Variants in MEI4 observed in about 807,000 individuals in gnomAD.
The protein encoded by MEI4 is meiotic double-stranded break formation protein 4, also known as meiosis-specific protein MEI4.
In MEI4, 27 loss-of-function variants were observed where a neutral mutation model predicts 31.4. The ratio of observed to expected loss-of-function variants is 0.86; its 90% CI spans 0.63 to 1.19. MEI4 has a LOEUF of 1.19. Ranked by LOEUF, MEI4 falls within the 50% of genes most tolerant of loss-of-function variation. MEI4 has a pLI of 0.00. For synonymous variants in MEI4, 122 were observed against 145.4 expected (o/e 0.84, Z 1.16); for missense variants, 329 against 398.9 (o/e 0.82, Z 1.49).
intron 4 of MEI4, among the ~76,000 whole-genome samples, chr6:77,909,838 T>C (rs1160098769): frequency 1.3e-5 from 2 of 152,044 alleles, no homozygotes; most frequent in African/African-American, 2.4e-5. Flanking sequence ...AATCCAGTAG[T>C]ACATCAAAAA....
intron 2 of MEI4, among the ~76,000 whole-genome samples, chr6:77,696,204 C>T (rs1353212032): frequency 1.3e-5 from 2 of 152,152 alleles, no homozygotes; most frequent in Non-Finnish European, 2.9e-5. Context: ...ATCATGTCAT[C>T]TGCAAACAGG....
chr6:77,659,096 C>T (rs1042130111), intron 1 of MEI4, among the ~76,000 whole-genome samples: 7 of 152,150 alleles, frequency 4.6e-5, no homozygotes, highest in African/African-American at 1.7e-4. Context: ...GCAGAGAAGT[C>T]ATTAGACAGG....
intron 4 of MEI4, among the ~76,000 whole-genome samples, chr6:77,920,295 T>C (rs1476587231): frequency 1.3e-5 from 2 of 152,046 alleles, no homozygotes; most frequent in African/African-American, 4.8e-5. Flanking sequence ...AAAAAGCTTA[T>C]CCACCATGAT....
At chr6:77,839,769 C>T (rs1469362943) in intron 4 of MEI4, among the ~76,000 whole-genome samples, 1 of 152,108 alleles carries the variant, frequency 6.6e-6, no homozygotes, top group East Asian at 1.9e-4. Flanking sequence ...TCTGTAGCTG[C>T]TTTTATACTA....
intron 4 of MEI4, among the ~76,000 whole-genome samples, chr6:77,922,728 A>ATTT (rs1766733554): frequency 1.3e-5 from 2 of 151,728 alleles, no homozygotes; most frequent in Non-Finnish European, 1.5e-5. Flanking sequence ...AATAAGTACC[A>ATTT]TGAATTCAAA....
At chr6:77,787,840 C>T (rs1001442467) in intron 3 of MEI4, among the ~76,000 whole-genome samples, 5 of 151,988 alleles carry the variant, frequency 3.3e-5, no homozygotes, top group African/African-American at 1.2e-4. Context: ...AATTAGAAGT[C>T]AAATAAAGAA....
At chr6:77,915,537 G>C (rs910280614) in intron 4 of MEI4, among the ~76,000 whole-genome samples, 1 of 151,794 alleles carries the variant, frequency 6.6e-6, no homozygotes, top group Non-Finnish European at 1.5e-5. Flanking sequence ...GTGACCATGG[G>C]CTTTTCTCTT....
intron 3 of MEI4, among the ~76,000 whole-genome samples, chr6:77,781,393 A>G (rs1375574908): frequency 6.6e-6 from 1 of 152,066 alleles, no homozygotes; most frequent in Non-Finnish European, 1.5e-5. Flanking sequence ...ATTTTCCTCC[A>G]CAGCATGTTA....
chr6:77,785,147 T>G (rs1768699176), intron 3 of MEI4, among the ~76,000 whole-genome samples: 1 of 152,202 alleles, frequency 6.6e-6, no homozygotes, highest in South Asian at 2.1e-4. Context: ...TCTATATGCC[T>G]TCTCTGAGAC....
chr6:77,752,814 AAAAGATC>A (rs146047116), intron 2 of MEI4, among the ~76,000 whole-genome samples: 20,845 of 152,096 alleles, frequency 0.14, 1,473 homozygotes, highest in Middle Eastern at 0.21. Context: ...ATCCTAAGCA[AAAAGATC>A]AAAGCTGGAG....
At chr6:77,675,508 G>A (rs891406224) in intron 1 of MEI4, among the ~76,000 whole-genome samples, 9 of 150,280 alleles carry the variant, frequency 6.0e-5, no homozygotes, top group African/African-American at 2.2e-4. Context: ...ATTTTAGATG[G>A]TTAAGATGAA....
At chr6:77,663,674 C>T (rs1410691233) in intron 1 of MEI4, among the ~76,000 whole-genome samples, 1 of 152,064 alleles carries the variant, frequency 6.6e-6, no homozygotes, top group Non-Finnish European at 1.5e-5. Context: ...GGGAAACAGG[C>T]CCTTGAAAAG....
chr6:77,736,164 G>A (rs1339965524), intron 2 of MEI4, among the ~76,000 whole-genome samples: 1 of 152,082 alleles, frequency 6.6e-6, no homozygotes, highest in Admixed American at 6.5e-5. Context: ...GGCTCCACCG[G>A]GTTCGAGCTT....
intron 4 of MEI4, among the ~76,000 whole-genome samples, chr6:77,914,392 G>A (rs1227904754): frequency 6.6e-6 from 1 of 151,840 alleles, no homozygotes; most frequent in Non-Finnish European, 1.5e-5. Flanking sequence ...GAATGTATTT[G>A]TACAGTTTCT....
intron 1 of MEI4, among the ~76,000 whole-genome samples, chr6:77,663,030 G>T (rs1363738724): frequency 6.6e-6 from 1 of 152,202 alleles, no homozygotes; most frequent in Admixed American, 6.5e-5. Context: ...AGTAAAGAAA[G>T]CATGTTTGAG....
At chr6:77,699,852 C>T (rs1766171131) in intron 2 of MEI4, among the ~76,000 whole-genome samples, 1 of 152,150 alleles carries the variant, frequency 6.6e-6, no homozygotes, top group Admixed American at 6.5e-5. Flanking sequence ...CACTCCACAT[C>T]CTGTTTACCT....
At chr6:77,787,641 C>T (rs908644040) in intron 3 of MEI4, among the ~76,000 whole-genome samples, 5 of 152,144 alleles carry the variant, frequency 3.3e-5, no homozygotes, top group South Asian at 2.1e-4. Flanking sequence ...CAAGGCTACA[C>T]AGGTGACAAA....
At chr6:77,696,276 T>C (rs1335090484) in intron 2 of MEI4, among the ~76,000 whole-genome samples, 1 of 152,094 alleles carries the variant, frequency 6.6e-6, no homozygotes, top group Non-Finnish European at 1.5e-5. Flanking sequence ...TGCCTGATTG[T>C]CCTGGACAGA....
intron 2 of MEI4, among the ~76,000 whole-genome samples, chr6:77,695,965 G>C (rs1443421725): frequency 1.3e-5 from 2 of 152,146 alleles, no homozygotes; most frequent in Non-Finnish European, 2.9e-5. Flanking sequence ...AGTTCTCCTT[G>C]AAGAGGTCCT....
Sources: gnomAD v4.1 joint callset for allele counts (sites outside exome capture counted in the v4.1 genomes callset) on GRCh38, gnomAD v4.1.1 for gene constraint, MANE v1.5 for transcripts, NCBI Gene and HGNC (gene_info 2026-07-23, HGNC 2026-07-21) for gene names.